The following FAM171A1 variants were observed in gnomAD, a reference collection of about 807,000 sequenced individuals.
FAM171A1 encodes protein FAM171A1.
FAM171A1 carries 23 observed loss-of-function variants against 74.9 expected under a neutral mutation model. The observed-to-expected ratio is 0.31, with a 90% confidence interval of 0.22 to 0.44. The LOEUF (loss-of-function observed/expected upper bound fraction) is 0.44, where lower values mean the gene tolerates loss of function less well. Ranked by LOEUF, FAM171A1 falls within the 20% of genes least tolerant of loss-of-function variation. The probability of loss-of-function intolerance (pLI) is 1.00; values close to 1 mark genes in which losing one functional copy is unlikely to be tolerated. For synonymous variants in FAM171A1, 527 were observed against 505.7 expected, an observed-to-expected ratio of 1.04 and a Z score of -0.57; for missense variants, 1,162 against 1,159.2, an observed-to-expected ratio of 1.00 and a Z score of -0.03.
chr10:15,339,792 T>C (rs534369803), intron 1 of FAM171A1, among the ~76,000 whole-genome samples: 1 of 152,046 alleles, frequency 6.6e-6, no homozygotes, highest in South Asian at 2.1e-4. Flanking sequence ...TACCCGAGAC[T>C]GGGTAATTTA....
In FAM171A1 at chr10:15,266,837, T is replaced by A. The variant is rs1175771188; in HGVS notation, c.418+9018A>T. ...TGAGCTGTGATTGCACCACTGCAGT[T>A]CAGCCTGGGTGACAGAGTGAGACTG... On this transcript the variant is annotated intron_variant, in intron 3 of 7. Coordinates refer to ENST00000378116, the MANE Select transcript of FAM171A1 (RefSeq NM_001010924.2). Among the ~76,000 whole-genome samples, 4 of 145,644 alleles carry A rather than the reference T, an allele frequency of 2.7e-5. No homozygotes were observed. In the Admixed American group the frequency reaches 2.8e-4, roughly 10 times the overall value.
At chr10:15,249,810 A>T (rs1834485361) in intron 4 of FAM171A1, among the ~76,000 whole-genome samples, 2 of 152,270 alleles carry the variant, frequency 1.3e-5, no homozygotes, top group South Asian at 4.1e-4. Context: ...CAGATAAATT[A>T]GAGAATGCTT....
chr10:15,371,131 G>A lies in FAM171A1; in HGVS notation c.-79C>T. On this transcript the variant is annotated 5_prime_UTR_variant, in exon 1 of 8. Coordinates refer to ENST00000378116, the MANE Select transcript of FAM171A1 (RefSeq NM_001010924.2). ...GGCGCGTCACGGGCGGCCGGGCGCCGCGCCCCCCTCCATGTCGCTGGCTCC... is the reference window on the plus strand; with the variant it reads ...GGCGCGTCACGGGCGGCCGGGCGCCACGCCCCCCTCCATGTCGCTGGCTCC... The A allele has an allele frequency of 7.1e-6, 4 of 563,882 alleles. No homozygotes were observed. The highest frequency in any genetic ancestry group is 8.9e-6 in the Non-Finnish European group (4 of 448,544). 34.9% of individuals were successfully genotyped at this position (563,882 alleles called of 1,614,324 possible). A position where few individuals can be genotyped will look rare whatever the true frequency, so the allele number is the denominator to read the frequency against.
At chr10:15,295,309 G>A (rs1306787378) in intron 1 of FAM171A1, among the ~76,000 whole-genome samples, 1 of 152,108 alleles carries the variant, frequency 6.6e-6, no homozygotes, top group African/African-American at 2.4e-5. Context: ...TAAACGATAG[G>A]ATGCATTTAG....
chr10:15,338,412 C>T (rs2131867361), intron 1 of FAM171A1, among the ~76,000 whole-genome samples: 1 of 152,288 alleles, frequency 6.6e-6, no homozygotes, highest in South Asian at 2.1e-4. Flanking sequence ...TTAGCAAAGT[C>T]ATTAGTTTAC....
chr10:15,252,391 G>C (rs2138928), intron 4 of FAM171A1, among the ~76,000 whole-genome samples: 1 of 151,902 alleles, frequency 6.6e-6, no homozygotes, highest in African/African-American at 2.4e-5. Context: ...TGGTTATGAC[G>C]CTAGTCATTT....
At chr10:15,324,764 C>CA (rs1306198828) in intron 1 of FAM171A1, among the ~76,000 whole-genome samples, 3 of 151,716 alleles carry the variant, frequency 2.0e-5, no homozygotes, top group Non-Finnish European at 4.4e-5. Context: ...AAAAAAAGGA[C>CA]AAAAAAACCA....
chr10:15,264,080 G>C (rs1171983724), intron 3 of FAM171A1, among the ~76,000 whole-genome samples: 1 of 152,080 alleles, frequency 6.6e-6, no homozygotes, highest in Non-Finnish European at 1.5e-5. Context: ...CTGGGCTCAA[G>C]AGATTCTCCC....
intron 5 of FAM171A1, among the ~76,000 whole-genome samples, chr10:15,239,562 C>G (rs555848810): frequency 6.6e-6 from 1 of 152,284 alleles, no homozygotes; most frequent in African/African-American, 2.4e-5. Context: ...CTTGGCCTCC[C>G]AAAGTGCTGG....
At chr10:15,319,752 T>A (rs7080750) in intron 1 of FAM171A1, among the ~76,000 whole-genome samples, 1 of 151,958 alleles carries the variant, frequency 6.6e-6, no homozygotes, top group Non-Finnish European at 1.5e-5. Context: ...ATTTTGAACC[T>A]AGACCTTCTC....
chr10:15,270,812 G>T (rs952832492), intron 3 of FAM171A1, among the ~76,000 whole-genome samples: 1 of 152,264 alleles, frequency 6.6e-6, no homozygotes, highest in Admixed American at 6.5e-5. Context: ...TGCAGCTGAG[G>T]GTCCTGACTG....
chr10:15,225,214 A>G (rs1834089412), intron 5 of FAM171A1, among the ~76,000 whole-genome samples: 2 of 152,214 alleles, frequency 1.3e-5, no homozygotes, highest in Non-Finnish European at 1.5e-5. Flanking sequence ...AGATATGCAT[A>G]GAGTAGGAAC....
rs1465871469 is a variant in FAM171A1, at chr10:15,336,146, C to T, written c.97+34810G>A. ...AGAGAATAATAATGAAAAAGATGTT[C>T]CTCAGAGCATGGTACCCTCAGAAAT... On this transcript the variant is annotated intron_variant, in intron 1 of 7. Transcript: ENST00000378116. Among the ~76,000 whole-genome samples the T allele has an allele frequency of 3.3e-5, 5 of 152,004 alleles. No individual in the cohort carries two copies. The East Asian group carries it at 9.6e-4, about 29-fold the overall frequency.
At chr10:15,351,567 C>CGATAGATGGATG in intron 1 of FAM171A1, among the ~76,000 whole-genome samples, 1 of 146,470 alleles carries the variant, frequency 6.8e-6, no homozygotes, top group East Asian at 2.0e-4. Flanking sequence ...AAAGTAGGGA[C>CGATAGATGGATG]GATGGATGGA....
chr10:15,357,373 G>A (rs931977381), intron 1 of FAM171A1, among the ~76,000 whole-genome samples: 3 of 152,098 alleles, frequency 2.0e-5, no homozygotes, highest in Non-Finnish European at 2.9e-5. Flanking sequence ...GAGTACCAGA[G>A]TACATAATGT....
At chr10:15,301,698 G>A (rs561977027) in intron 1 of FAM171A1, among the ~76,000 whole-genome samples, 5 of 152,238 alleles carry the variant, frequency 3.3e-5, no homozygotes, top group African/African-American at 1.2e-4. Flanking sequence ...TGGGAAATGG[G>A]GTTCAGGGAA....
intron 6 of FAM171A1, among the ~76,000 whole-genome samples, chr10:15,220,298 G>A (rs1391372186): frequency 6.6e-6 from 1 of 152,062 alleles, no homozygotes; most frequent in Non-Finnish European, 1.5e-5. Flanking sequence ...AAGGCAGCTT[G>A]AGCAACAGAA....
At position 15,359,928 on chromosome 10, in the gene FAM171A1, GT is replaced by G. The variant is rs1480326434; in HGVS notation, c.97+11027del. Among the ~76,000 whole-genome samples the G allele has an allele frequency of 1.1e-4, 16 of 148,512 alleles. No individual in the cohort carries two copies. In the South Asian group the frequency reaches 1.7e-3, roughly 15 times the overall value. ...TTCCAAAAAGGAACATGGCCCAGCT[GT>G]TTGTTTGTTTGTTTGTTTGTTTTGA... On this transcript the variant is annotated intron_variant, in intron 1 of 7. Transcript: ENST00000378116.
chr10:15,229,051 C>T (rs1564616330), intron 5 of FAM171A1, among the ~76,000 whole-genome samples: 1 of 152,166 alleles, frequency 6.6e-6, no homozygotes, highest in South Asian at 2.1e-4. Context: ...AGCTGGGACT[C>T]GGAAAGAAAT....
Sources: gnomAD v4.1 joint callset for allele counts (sites outside exome capture counted in the v4.1 genomes callset) on GRCh38, gnomAD v4.1.1 for gene constraint, MANE v1.5 for transcripts, NCBI Gene and HGNC (gene_info 2026-07-23, HGNC 2026-07-21) for gene names.